The following TDP2 variants were observed in gnomAD, a reference collection of about 807,000 sequenced individuals.
TDP2 encodes the protein 5'-Tyr-DNA phosphodiesterase.
A neutral mutation model predicts 42.8 loss-of-function variants in TDP2; 38 were observed. The ratio of observed to expected loss-of-function variants is 0.89; its 90% CI spans 0.68 to 1.16. The LOEUF (loss-of-function observed/expected upper bound fraction) is 1.16. TDP2 is among the 50% of genes most tolerant of loss of function. The probability of loss-of-function intolerance (pLI) is 0.00; values close to 1 mark genes in which losing one functional copy is unlikely to be tolerated. For synonymous variants in TDP2, 173 were observed against 150.6 expected, an observed-to-expected ratio of 1.15 and a Z score of -1.09; for missense variants, 439 against 439.3, an observed-to-expected ratio of 1.00 and a Z score of 0.01.
chr6:24,665,454 C>T (rs539254772), intron 2 of TDP2, among the ~76,000 whole-genome samples: 1 of 152,194 alleles, frequency 6.6e-6, no homozygotes, highest in South Asian at 2.1e-4. Flanking sequence ...AGAAAGGAAC[C>T]TAAAGAAAAT....
At chr6:24,653,415 C>T (rs764574942) in intron 5 of TDP2, among the ~76,000 whole-genome samples, 7 of 152,192 alleles carry the variant, frequency 4.6e-5, no homozygotes, top group South Asian at 2.1e-4. Flanking sequence ...AGGCCATCAG[C>T]GGCTCCCTCC....
At chr6:24,659,488 T>C (rs1013762760) in intron 2 of TDP2, among the ~76,000 whole-genome samples, 1 of 151,930 alleles carries the variant, frequency 6.6e-6, no homozygotes, top group Non-Finnish European at 1.5e-5. Flanking sequence ...CAGATACTTT[T>C]GGGTTCGTAG....
At chr6:24,654,077 A>G (rs1057229631) in intron 5 of TDP2, among the ~76,000 whole-genome samples, 4 of 152,198 alleles carry the variant, frequency 2.6e-5, no homozygotes, top group Admixed American at 2.6e-4. Flanking sequence ...TCTATATACT[A>G]TATCAGAGCA....
chr6:24,663,126 G>A (rs1043627066), intron 2 of TDP2, among the ~76,000 whole-genome samples: 1 of 152,186 alleles, frequency 6.6e-6, no homozygotes, highest in African/African-American at 2.4e-5. Context: ...GGGAGAGCAT[G>A]ATGGTGTCAT....
rs1393488176 is a variant in TDP2 at position 24,654,222 on chromosome 6, C to CT, written c.636+189dup. 1.1e-4 allele frequency among the ~76,000 whole-genome samples: 17 copies of CT among 152,198 alleles called. No homozygotes were observed. The South Asian group carries it at 3.1e-3, about 28-fold the overall frequency. On this transcript the variant is annotated intron_variant, in intron 5 of 6. Transcript: ENST00000378198. The stretch of plus-strand genomic sequence containing the variant: ...CAAATATTCTTAAGAAAACAATAGA[C>CT]TGAGAATTCTATCTGCATTTAAAAT...
At chr6:24,663,465 C>A (rs1370566949) in intron 2 of TDP2, among the ~76,000 whole-genome samples, 1 of 152,212 alleles carries the variant, frequency 6.6e-6, no homozygotes, top group Non-Finnish European at 1.5e-5. Context: ...TCATTGTAAT[C>A]CAATTCCATA....
chr6:24,658,014 C>A (rs778000489), intron 3 of TDP2, 111 bp from the exon 4 acceptor site: 2 of 642,722 alleles, frequency 3.1e-6, no homozygotes, highest in Non-Finnish European at 2.7e-6. Flanking sequence ...CTCTAGGGCA[C>A]CTAATATTGA....
intron 2 of TDP2, among the ~76,000 whole-genome samples, chr6:24,662,157 G>A (rs966008397): frequency 1.3e-5 from 2 of 152,068 alleles, no homozygotes; most frequent in African/African-American, 4.8e-5. Context: ...ATTGTCCAAG[G>A]ATTCCCCCCA....
In TDP2 at chr6:24,666,843, A is replaced by C; in HGVS notation, c.20T>G (p.Leu7Arg). MELGSC[L>R]EGGREAAEEE... ...CTCCGCCGCCTCCCTCCCGCCCTCC[A>C]GGCAACTCCCCAACTCCATCTTCCT... Residue 7 changes from leucine to arginine, a missense_variant, in exon 1 of 7, where the codon CTG becomes CGG. By Grantham distance (102) the Leu-to-Arg change is moderately radical. Coordinates refer to ENST00000378198, the MANE Select transcript of TDP2 (RefSeq NM_016614.3). The C allele has an allele frequency of 6.2e-7, 1 of 1,613,944 alleles. No homozygotes were observed. Among genetic ancestry groups the C allele is most frequent in the Middle Eastern group, 1.6e-4 (1 of 6,062 alleles).
chr6:24,657,377 A>G (rs371281903), intron 4 of TDP2, among the ~76,000 whole-genome samples: 1 of 152,236 alleles, frequency 6.6e-6, no homozygotes, highest in Admixed American at 6.5e-5. Flanking sequence ...GTAGTATTTT[A>G]AATATATTTA....
rs1304498503 is a variant in TDP2 at position 24,654,462 on chromosome 6, T to G, written c.586A>C (p.Ile196Leu). 1.9e-6 allele frequency: 3 copies of G among 1,589,988 alleles called. No homozygotes were observed. Among genetic ancestry groups the G allele is most frequent in the Admixed American group, 1.8e-5 (1 of 56,856 alleles). The change falls in exon 5 of 7, where the codon ATT (isoleucine) becomes CTT (leucine). Residue 196 changes from isoleucine (I) to leucine (L), a missense_variant. Physicochemically the swap from Ile to Leu is conservative, Grantham distance 5. Coordinates refer to ENST00000378198, the MANE Select transcript of TDP2 (RefSeq NM_016614.3). ...KSRVKLKSQE[I>L]IPFPSTKMMR... ...ATTTTGGTACTTGGAAAAGGAATAATCTCTTGGCTTTTTAATTTCACTCTT... is the reference window on the plus strand; with the variant it reads ...ATTTTGGTACTTGGAAAAGGAATAAGCTCTTGGCTTTTTAATTTCACTCTT...
At chr6:24,654,673 A>G in intron 4 of TDP2, 143 bp from the exon 5 acceptor site, 1 of 557,500 alleles carries the variant, frequency 1.8e-6, no homozygotes, top group South Asian at 2.2e-5. Context: ...ATTATTTCAA[A>G]ATAGTTCATC....
chr6:24,666,859 C>A lies in TDP2; in HGVS notation c.4G>T (p.Glu2Ter), dbSNP rs770844602. 2.5e-6 allele frequency: 4 copies of A among 1,613,710 alleles called. No individual in the cohort carries two copies. Among genetic ancestry groups the A allele is most frequent in the Middle Eastern group, 3.3e-4 (2 of 6,062 alleles). M[E>*]LGSCLEGGRE... ...CCGCCCTCCAGGCAACTCCCCAACT[C>A]CATCTTCCTGCCGCCTCTGCACCGC... The change falls in exon 1 of 7, where the codon GAG becomes TAG. Residue 2 changes from glutamate to a stop codon, truncating the protein, a stop_gained. Transcript: ENST00000378198. LOFTEE classifies it high-confidence loss of function.
Position 24,658,420 on chromosome 6 carries a change from G to A in TDP2, c.425+141C>T, listed in dbSNP as rs112560835. ...TGCAGCCTGCAATCCTGCTCTCAGAGGCAATCATCTTAATTCTTCAGATGT... is the reference window on the plus strand; with the variant it reads ...TGCAGCCTGCAATCCTGCTCTCAGAAGCAATCATCTTAATTCTTCAGATGT... On this transcript the variant is annotated intron_variant, in intron 3 of 6. Transcript: ENST00000378198. The A allele has an allele frequency of 4.6e-4, 292 of 634,450 alleles. 2 individuals carry two copies. The African/African-American group carries it at 5.0e-3, about 11-fold the overall frequency. The allele number at this position is 634,450 out of a possible 1,614,324, so 39.3% of individuals were successfully genotyped here.
chr6:24,663,445 C>G (rs1313481058), intron 2 of TDP2, among the ~76,000 whole-genome samples: 1 of 152,214 alleles, frequency 6.6e-6, no homozygotes, highest in Non-Finnish European at 1.5e-5. Flanking sequence ...CCATCCTTTC[C>G]TCCTCTGTTT....
At position 24,654,414 on chromosome 6, in the gene TDP2, G is replaced by A. The variant is rs1186961817; in HGVS notation, c.634C>T (p.His212Tyr). ...CTCAATTTTTAAAAATTACTCACATGCACACATAAAAGGTTTCTCATCATT... is the reference window on the plus strand; with the variant it reads ...CTCAATTTTTAAAAATTACTCACATACACACATAAAAGGTTTCTCATCATT... ...TKMMRNLLCV[H>Y]VNVSGNELCL... The change falls in exon 5 of 7, where the codon CAT becomes TAT. Residue 212 changes from histidine to tyrosine, a missense_variant and splice_region_variant. Physicochemically the swap from His to Tyr is moderately conservative, Grantham distance 83 (BLOSUM62 2). Transcript: ENST00000378198. 2.1e-6 allele frequency: 3 copies of A among 1,399,920 alleles called. No individual in the cohort carries two copies. Among genetic ancestry groups the A allele is most frequent in the Non-Finnish European group, 3.0e-6 (3 of 1,011,292 alleles). The allele number at this position is 1,399,920 out of a possible 1,614,324, so 86.7% of individuals were successfully genotyped here.
chr6:24,653,380 CTG>C (rs2127617083), intron 5 of TDP2, among the ~76,000 whole-genome samples: 1 of 152,364 alleles, frequency 6.6e-6, no homozygotes, highest in East Asian at 1.9e-4. Context: ...GTCACCTCCA[CTG>C]TGAACCTTTC....
Position 24,666,614 on chromosome 6 carries a change from G to C in TDP2, c.166-3C>G, listed in dbSNP as rs755450845. The C allele has an allele frequency of 6.2e-7, 1 of 1,614,232 alleles. No homozygotes were observed. On this transcript the variant is annotated splice_polypyrimidine_tract_variant and splice_region_variant and intron_variant, in intron 1 of 6. Transcript: ENST00000378198. ...TCGAAGTAGGAGTTCAGAGCCCTCTGAAAAACAAAGGCACAAGGGATGAGG... is the reference window on the plus strand; with the variant it reads ...TCGAAGTAGGAGTTCAGAGCCCTCTCAAAAACAAAGGCACAAGGGATGAGG...
At chr6:24,657,232 T>G (rs1230050440) in intron 4 of TDP2, among the ~76,000 whole-genome samples, 1 of 152,138 alleles carries the variant, frequency 6.6e-6, no homozygotes, top group Non-Finnish European at 1.5e-5. Context: ...AGTGCGCACA[T>G]ATAGATGGGT....
Sources: allele counts gnomAD v4.1 joint callset (sites outside exome capture counted in the v4.1 genomes callset), GRCh38; gene constraint gnomAD v4.1.1; transcripts MANE v1.5; gene names NCBI Gene and HGNC (gene_info 2026-07-23, HGNC 2026-07-21).